HDAC9: variants seen among roughly 807,000 people sequenced by gnomAD.
HDAC9 encodes histone deacetylase 9.
A neutral mutation model predicts 139.4 loss-of-function variants in HDAC9; 41 were observed. The observed-to-expected ratio is 0.29, with a 90% CI of 0.23 to 0.38. The LOEUF is 0.38. Among genes scored for constraint, HDAC9 ranks in the 10% least tolerant of loss-of-function variants. The pLI, the probability that HDAC9 is intolerant of heterozygous loss-of-function variation, is 1.00. For synonymous variants in HDAC9, 517 were observed against 476.2 expected, an observed-to-expected ratio of 1.09 and a Z score of -1.12; for missense variants, 1,147 against 1,297.0, an observed-to-expected ratio of 0.88 and a Z score of 1.78.
chr7:18,709,183 C>T (rs1352886874), intron 12 of HDAC9, among the ~76,000 whole-genome samples: 2 of 151,348 alleles, frequency 1.3e-5, no homozygotes, highest in African/African-American at 2.4e-5. Flanking sequence ...CTCTATGTTT[C>T]GTCCCCTCAC....
chr7:18,651,883 T>C (rs1584613517), intron 11 of HDAC9, among the ~76,000 whole-genome samples: 2 of 152,134 alleles, frequency 1.3e-5, no homozygotes, highest in South Asian at 2.1e-4. Context: ...TATACTGTTA[T>C]ATCTGCCAGT....
intron 22 of HDAC9, among the ~76,000 whole-genome samples, chr7:18,911,624 A>G (rs578002234): frequency 6.6e-6 from 1 of 151,026 alleles, no homozygotes; most frequent in Admixed American, 6.6e-5. Flanking sequence ...TTTGAAATCT[A>G]TTGTTTATTG....
chr7:18,207,092 T>G (rs896913634), intron 2 of HDAC9, among the ~76,000 whole-genome samples: 47 of 151,918 alleles, frequency 3.1e-4, no homozygotes, highest in African/African-American at 1.1e-3. Context: ...TGTTTGTTTG[T>G]TTGGTTTGTT....
intron 22 of HDAC9, among the ~76,000 whole-genome samples, chr7:18,897,916 A>T (rs1801361427): frequency 6.6e-6 from 1 of 151,412 alleles, no homozygotes; most frequent in Admixed American, 6.6e-5. Flanking sequence ...TCCATGTGTG[A>T]TCTTTCTAGA....
At chr7:18,988,882 C>A (rs1040958853) in intron 25 of HDAC9, among the ~76,000 whole-genome samples, 2 of 149,028 alleles carry the variant, frequency 1.3e-5, no homozygotes, top group African/African-American at 5.0e-5. Flanking sequence ...ACTAGGATTG[C>A]AACCCCTGCC....
At position 18,585,383 on chromosome 7, in the gene HDAC9, G is replaced by A. The variant is rs763335887; in HGVS notation, c.125G>A (p.Arg42His). The change falls in exon 3 of 26, where the codon CGT (arginine) becomes CAT (histidine). Residue 42 changes from arginine (R) to histidine (H), a missense_variant. Physicochemically the swap from Arg to His is conservative, Grantham distance 29. This residue lies in a region of HDAC9 where 136 missense variants were observed against 183.5 expected (regional missense o/e 0.74). Transcript: ENST00000686413. ...ATGCCCGTGGTGGACCCTGTTGTCC[G>A]TGAGAAGCAATTGCAGCAGGAATTA... The part of the protein sequence containing the change: ...MMMPVVDPVV[R>H]EKQLQQELLL... 6.8e-6 allele frequency: 11 copies of A among 1,613,806 alleles called. No individual in the cohort carries two copies. The highest frequency in any genetic ancestry group is 1.7e-5 in the Admixed American group (1 of 60,000).
chr7:18,769,558 G>A (rs879410504), intron 16 of HDAC9, among the ~76,000 whole-genome samples: 2 of 151,732 alleles, frequency 1.3e-5, no homozygotes, highest in Admixed American at 1.3e-4. Flanking sequence ...GTGTGAATGT[G>A]TGTGTGTGTG....
intron 2 of HDAC9, among the ~76,000 whole-genome samples, chr7:18,516,507 C>G (rs1803233729): frequency 6.6e-6 from 1 of 152,088 alleles, no homozygotes; most frequent in Non-Finnish European, 1.5e-5. Context: ...TTCCTCTCAC[C>G]TCCTTCACAT....
At position 18,182,030 on chromosome 7, in the gene HDAC9, T is replaced by C. The variant is rs530686267; in HGVS notation, c.25+19681T>C. Among the ~76,000 whole-genome samples, 192 of 151,786 alleles carry C rather than the reference T, an allele frequency of 1.3e-3. 1 individual carries two copies. The highest frequency in any genetic ancestry group is 1.1e-3 in the Non-Finnish European group (78 of 67,928). The stretch of plus-strand genomic sequence containing the variant: ...TCAACAGGCATTGATTAGGGGAGGG[T>C]GGAGGAAAGGGAATCCACAGAGGTC... On this transcript the variant is annotated intron_variant, in intron 2 of 12. Transcript: ENST00000417496.
chr7:18,899,134 G>A (rs1022122170), intron 22 of HDAC9, among the ~76,000 whole-genome samples: 70 of 151,964 alleles, frequency 4.6e-4, no homozygotes, highest in Non-Finnish European at 7.4e-5. Flanking sequence ...GGATATATTT[G>A]CTATGGTTTG....
In HDAC9 at chr7:18,305,653, C is replaced by T. The variant is rs1021906982; in HGVS notation, c.-42+15138C>T. 9.0e-5 allele frequency among the ~76,000 whole-genome samples: 13 copies of T among 145,146 alleles called. No homozygotes were observed. In the East Asian group the frequency reaches 2.5e-3, roughly 28 times the overall value. On this transcript the variant is annotated intron_variant, in intron 1 of 3. Transcript: ENST00000413509. The stretch of plus-strand genomic sequence containing the variant: ...GTAATCTAGAACTGTTTGAATGACA[C>T]ATAGTTCTGTTGTACCCTTGTAGAG...
At chr7:18,767,321 G>T (rs952569685) in intron 16 of HDAC9, among the ~76,000 whole-genome samples, 166 bp downstream of exon 16, 6 of 152,166 alleles carry the variant, frequency 3.9e-5, no homozygotes, top group Non-Finnish European at 8.8e-5. Flanking sequence ...AAACGTGGCA[G>T]CCCTTGTTAA....
rs566425920 is a variant in HDAC9, at chr7:18,395,859, T to C, written c.-41-100403T>C. Among the ~76,000 whole-genome samples, 331 of 152,304 alleles carry C rather than the reference T, an allele frequency of 2.2e-3. 3 individuals are homozygous for C. The highest frequency in any genetic ancestry group is 4.0e-3 in the Non-Finnish European group (272 of 67,996). ...TCATGTTGATACCATTAACATTTGA[T>C]GCCATTTTTCTATGTGAGAAAAATT... On this transcript the variant is annotated intron_variant, in intron 1 of 3. Coordinates refer to the HDAC9 transcript ENST00000413509.
rs1167529453 is a variant in HDAC9, at chr7:18,774,809, C to T, written c.2214+7654C>T. ...TCACTGCAGTAGCAGTTTCAGTTTC[C>T]TTTAAAAACTTTTCCTTTGCATTCA... On this transcript the variant is annotated intron_variant, in intron 16 of 25. Coordinates refer to ENST00000686413, the MANE Select transcript of HDAC9 (RefSeq NM_178425.4). 2.6e-5 allele frequency among the ~76,000 whole-genome samples: 4 copies of T among 152,004 alleles called. No homozygotes were observed. The South Asian group carries it at 6.2e-4, about 24-fold the overall frequency.
At chr7:18,740,233 G>A (rs1050709263) in intron 13 of HDAC9, among the ~76,000 whole-genome samples, 1 of 152,182 alleles carries the variant, frequency 6.6e-6, no homozygotes, top group African/African-American at 2.4e-5. Flanking sequence ...CCTGGGTGAG[G>A]TGATGCCCTG....
At chr7:18,268,314 T>G (rs1041163762) in intron 2 of HDAC9, among the ~76,000 whole-genome samples, 1 of 152,158 alleles carries the variant, frequency 6.6e-6, no homozygotes, top group Non-Finnish European at 1.5e-5. Context: ...GATGATAGTT[T>G]CTTTGATGGC....
chr7:18,318,666 C>A (rs1799821093), intron 1 of HDAC9, among the ~76,000 whole-genome samples: 1 of 152,156 alleles, frequency 6.6e-6, no homozygotes, highest in Admixed American at 6.5e-5. Context: ...ATGATCAATT[C>A]TTTTCTTGAG....
intron 8 of HDAC9, among the ~76,000 whole-genome samples, chr7:18,636,878 T>A (rs1347809505): frequency 2.2e-4 from 4 of 17,970 alleles, no homozygotes; most frequent in Non-Finnish European, 3.9e-4. Flanking sequence ...TGGTTACAAT[T>A]TTTTTTTTCA....
chr7:18,154,132 A>G lies in HDAC9; in HGVS notation c.-96-8097A>G, dbSNP rs191923945. On this transcript the variant is annotated intron_variant, in intron 1 of 12. Transcript: ENST00000417496. ...CTTCCCTTCACATTTCTATAAAATG[A>G]TACTTGTTTCTAACTTACAGTTTTT... Among the ~76,000 whole-genome samples the G allele has an allele frequency of 1.3e-3, 196 of 152,292 alleles. 1 individual carries two copies. The highest frequency in any genetic ancestry group is 4.2e-3 in the Admixed American group (64 of 15,302).
Sources: allele counts gnomAD v4.1 joint callset (sites outside exome capture counted in the v4.1 genomes callset), GRCh38; gene constraint gnomAD v4.1.1; regional missense constraint gnomAD v4.1.1; transcripts MANE v1.5; gene names NCBI Gene and HGNC (gene_info 2026-07-23, HGNC 2026-07-21).